The following TSPAN9 variants were observed in gnomAD, a reference collection of about 807,000 sequenced individuals.
TSPAN9 encodes the protein tetraspanin-9.
A neutral mutation model predicts 31.0 loss-of-function variants in TSPAN9; 16 were observed. The ratio of observed to expected loss-of-function variants is 0.52; its 90% CI spans 0.35 to 0.78. The LOEUF (loss-of-function observed/expected upper bound fraction) is 0.78, where lower values mean the gene tolerates loss of function less well. TSPAN9 is among the 30% of genes least tolerant of loss of function. The pLI, the probability that TSPAN9 is intolerant of heterozygous loss-of-function variation, is 0.01. For missense variants in TSPAN9, 272 were observed against 312.5 expected, an observed-to-expected ratio of 0.87 and a Z score of 0.98; for synonymous variants, 145 against 121.6, an observed-to-expected ratio of 1.19 and a Z score of -1.27.
intron 2 of TSPAN9, among the ~76,000 whole-genome samples, chr12:3,093,011 C>T (rs73247323): frequency 0.046 from 6,933 of 152,328 alleles, 510 homozygotes; most frequent in African/African-American, 0.16. Context: ...GAGGAGCTCA[C>T]GTTCTGATGT....
At chr12:3,119,034 T>C (rs950532277) in intron 2 of TSPAN9, among the ~76,000 whole-genome samples, 2 of 152,156 alleles carry the variant, frequency 1.3e-5, no homozygotes, top group African/African-American at 4.8e-5. Flanking sequence ...TTTGGGACAC[T>C]ATCAGCAGAT....
intron 3 of TSPAN9, among the ~76,000 whole-genome samples, chr12:3,241,013 C>T (rs142265269): frequency 6.6e-6 from 1 of 152,166 alleles, no homozygotes; most frequent in Non-Finnish European, 1.5e-5. Flanking sequence ...GAGCTTTCTA[C>T]TACAGCACTG....
chr12:3,262,707 C>T (rs1862473172), intron 3 of TSPAN9, among the ~76,000 whole-genome samples: 1 of 151,442 alleles, frequency 6.6e-6, no homozygotes, highest in South Asian at 2.1e-4. Context: ...TGGTCAGAGG[C>T]CGCGCACAGC....
chr12:3,273,938 C>G (rs1007250133), intron 3 of TSPAN9, among the ~76,000 whole-genome samples: 1 of 152,340 alleles, frequency 6.6e-6, no homozygotes, highest in Non-Finnish European at 1.5e-5. Flanking sequence ...GTCATTGGCT[C>G]TCCCTTCCCC....
chr12:3,207,943 G>A lies in TSPAN9; in HGVS notation c.63+6687G>A, dbSNP rs573691305. Among the ~76,000 whole-genome samples, 25 of 152,348 alleles carry A rather than the reference G, an allele frequency of 1.6e-4. No homozygotes were observed. The South Asian group carries it at 3.9e-3, about 24-fold the overall frequency. On this transcript the variant is annotated intron_variant, in intron 3 of 8. Coordinates refer to ENST00000011898, the MANE Select transcript of TSPAN9 (RefSeq NM_006675.5). ...GTGGGCGCCTCCAGAAGTGAGGGCT[G>A]TGTTTTGAAGGTATTCCTTTAACCT...
chr12:3,206,577 T>G (rs1210334998), intron 3 of TSPAN9, among the ~76,000 whole-genome samples: 1 of 151,494 alleles, frequency 6.6e-6, no homozygotes, highest in Admixed American at 6.6e-5. Flanking sequence ...AAAACAGCCT[T>G]CCTTTTGTTT....
intron 2 of TSPAN9, among the ~76,000 whole-genome samples, chr12:3,085,429 G>A (rs1189818161): frequency 6.6e-6 from 1 of 151,638 alleles, no homozygotes; most frequent in Non-Finnish European, 1.5e-5. Flanking sequence ...TTTCCTCTGT[G>A]CATCTGCGTT....
intron 2 of TSPAN9, among the ~76,000 whole-genome samples, chr12:3,195,485 C>T (rs1224279770): frequency 6.6e-6 from 1 of 152,164 alleles, no homozygotes. Context: ...GCTCAGAGAG[C>T]CCCCTGAAGG....
chr12:3,081,572 C>T (rs374935731), intron 1 of TSPAN9, among the ~76,000 whole-genome samples: 5 of 152,064 alleles, frequency 3.3e-5, no homozygotes, highest in Non-Finnish European at 5.9e-5. Context: ...CTGGGAACCC[C>T]GGTGGCATTT....
chr12:3,140,644 T>C (rs2098334376), intron 2 of TSPAN9, among the ~76,000 whole-genome samples: 1 of 152,030 alleles, frequency 6.6e-6, no homozygotes, highest in African/African-American at 2.4e-5. Context: ...GTTCAGGATT[T>C]CTTGGGGGAA....
chr12:3,146,435 G>A (rs1303570597), intron 2 of TSPAN9, among the ~76,000 whole-genome samples: 4 of 152,098 alleles, frequency 2.6e-5, no homozygotes, highest in African/African-American at 7.2e-5. Context: ...TCTACCCTCC[G>A]TCTCTCCTAC....
intron 2 of TSPAN9, among the ~76,000 whole-genome samples, chr12:3,102,309 GT>G (rs2098312227): frequency 6.6e-6 from 1 of 151,862 alleles, no homozygotes; most frequent in African/African-American, 2.4e-5. Flanking sequence ...AAATTTTTTT[GT>G]AGAGGCGGAG....
intron 3 of TSPAN9, among the ~76,000 whole-genome samples, chr12:3,238,448 C>T (rs1034427524): frequency 2.6e-5 from 4 of 152,224 alleles, no homozygotes; most frequent in Admixed American, 6.5e-5. Flanking sequence ...TTTCTTCCCA[C>T]GATGCCCTTC....
chr12:3,164,728 C>G (rs928480832), intron 2 of TSPAN9, among the ~76,000 whole-genome samples: 8 of 152,182 alleles, frequency 5.3e-5, no homozygotes, highest in African/African-American at 1.9e-4. Context: ...ACTGTTAACT[C>G]TGCAACCAGA....
rs997009307 is a variant in TSPAN9 at position 3,110,822 on chromosome 12, G to A, written c.-18+27103G>A. 5.3e-5 allele frequency among the ~76,000 whole-genome samples: 8 copies of A among 152,176 alleles called. No individual in the cohort carries two copies. In the East Asian group the frequency reaches 9.6e-4, roughly 18 times the overall value. On this transcript the variant is annotated intron_variant, in intron 2 of 8. Transcript: ENST00000011898. Reference sequence around the variant, plus strand: ...GTATTTAGCATTGTTTCTGGCTAGCGGTGGGGACACTGTTGACTTTTTCTT... The same window carrying A: ...GTATTTAGCATTGTTTCTGGCTAGCAGTGGGGACACTGTTGACTTTTTCTT...
At chr12:3,203,537 G>C (rs758868986) in intron 3 of TSPAN9, among the ~76,000 whole-genome samples, 34 of 152,346 alleles carry the variant, frequency 2.2e-4, no homozygotes, top group Non-Finnish European at 4.3e-4. Flanking sequence ...GATAGCGAGA[G>C]AACTTGCTGT....
intron 3 of TSPAN9, among the ~76,000 whole-genome samples, chr12:3,220,514 C>G (rs2098383873): frequency 6.6e-6 from 1 of 152,214 alleles, no homozygotes; most frequent in Non-Finnish European, 1.5e-5. Context: ...CGAGATGCTT[C>G]TTTGGAGCAG....
chr12:3,261,470 C>T (rs1476903053), intron 3 of TSPAN9, among the ~76,000 whole-genome samples: 2 of 152,188 alleles, frequency 1.3e-5, no homozygotes, highest in Non-Finnish European at 2.9e-5. Context: ...CCTACGCTCT[C>T]AACCATGGGC....
At chr12:3,139,006 G>A (rs1214234900) in intron 2 of TSPAN9, among the ~76,000 whole-genome samples, 2 of 152,110 alleles carry the variant, frequency 1.3e-5, no homozygotes, top group Non-Finnish European at 2.9e-5. Flanking sequence ...GACGCCCTGA[G>A]GAGGGTTTCT....
Sources: allele counts gnomAD v4.1 joint callset (sites outside exome capture counted in the v4.1 genomes callset), GRCh38; gene constraint gnomAD v4.1.1; transcripts MANE v1.5; gene names NCBI Gene and HGNC (gene_info 2026-07-23, HGNC 2026-07-21).